The following LHFPL4 variants were observed in gnomAD, a reference collection of about 807,000 sequenced individuals.
LHFPL4 encodes the protein LHFPL tetraspan subfamily member 4.
In LHFPL4, 6 loss-of-function variants were observed where a neutral mutation model predicts 20.0. The ratio of observed to expected loss-of-function variants is 0.30; its 90% confidence interval spans 0.16 to 0.59. The LOEUF is 0.59. LHFPL4 is among the 20% of genes least tolerant of loss of function. The probability of loss-of-function intolerance (pLI) is 0.88; values close to 1 mark genes in which losing one functional copy is unlikely to be tolerated. For synonymous variants in LHFPL4, 129 were observed against 143.8 expected, an observed-to-expected ratio of 0.90 and a Z score of 0.74; for missense variants, 215 against 331.2, an observed-to-expected ratio of 0.65 and a Z score of 2.72.
intron 2 of LHFPL4, among the ~76,000 whole-genome samples, chr3:9,518,260 A>G (rs1258097640): frequency 1.3e-5 from 2 of 152,176 alleles, no homozygotes; most frequent in South Asian, 2.1e-4. Flanking sequence ...ATAAATCCCA[A>G]TTGGTCATGG....
intron 3 of LHFPL4, among the ~76,000 whole-genome samples, chr3:9,504,270 C>T (rs2046200290): frequency 6.6e-6 from 1 of 151,254 alleles, no homozygotes; most frequent in Non-Finnish European, 1.5e-5. Flanking sequence ...TACTCAAGAG[C>T]AAGAGGCTGA....
chr3:9,541,144 A>G (rs2125666121), intron 2 of LHFPL4, among the ~76,000 whole-genome samples: 1 of 151,876 alleles, frequency 6.6e-6, no homozygotes, highest in Non-Finnish European at 1.5e-5. Context: ...GGGTTTCACC[A>G]TGTTGGTTAG....
intron 2 of LHFPL4, among the ~76,000 whole-genome samples, chr3:9,510,003 G>T (rs2046246732): frequency 6.6e-6 from 1 of 152,238 alleles, no homozygotes; most frequent in African/African-American, 2.4e-5. Context: ...CACGGGTGCA[G>T]GATGGCACAA....
At chr3:9,536,929 A>G (rs1449138947) in intron 2 of LHFPL4, among the ~76,000 whole-genome samples, 2 of 151,800 alleles carry the variant, frequency 1.3e-5, no homozygotes, top group African/African-American at 4.8e-5. Flanking sequence ...AAAAAAAAAA[A>G]AAAAAATTCA....
In LHFPL4 at chr3:9,499,777, G is replaced by T. The variant is rs537650230; in HGVS notation, c.*2434C>A. 1 of 152,352 alleles carries T rather than the reference G, an allele frequency of 6.6e-6. No individual in the cohort carries two copies. Among genetic ancestry groups the T allele is most frequent in the East Asian group, 1.9e-4 (1 of 5,156 alleles). 9.4% of individuals were successfully genotyped at this position (152,352 alleles called of 1,614,324 possible). A position where few individuals can be genotyped will look rare whatever the true frequency, so the allele number is the denominator to read the frequency against. On this transcript the variant is annotated 3_prime_UTR_variant, in exon 4 of 4. Coordinates refer to ENST00000287585, the MANE Select transcript of LHFPL4 (RefSeq NM_198560.3). ...CAAGGTGTGGCAAGGACACCTGGTG[G>T]CAGGCGTCCTTGGGGGAACAAGCTC... is the stretch of plus-strand genomic sequence containing the variant.
intron 2 of LHFPL4, among the ~76,000 whole-genome samples, chr3:9,537,088 A>C (rs1218612863): frequency 6.6e-6 from 1 of 152,082 alleles, no homozygotes; most frequent in African/African-American, 2.4e-5. Context: ...CCTGTCTCAA[A>C]AAAAAGAAAG....
chr3:9,506,022 C>T lies in LHFPL4; in HGVS notation c.588G>A (p.Val196=). 3 of 1,614,214 alleles carry T rather than the reference C, an allele frequency of 1.9e-6. No individual in the cohort carries two copies. Among genetic ancestry groups the T allele is most frequent in the Non-Finnish European group, 2.5e-6 (3 of 1,180,044 alleles). ...GCAGGTCTGTTTGCCGGTTGCCCAG[C>T]ACGAAGGCGAGGAAGGAGAGGATGA... ...NALILSFLAF[V]LGNRQTDLLQ... Residue 196 remains valine, a synonymous_variant, in exon 3 of 4, where the codon GTG becomes GTA. Coordinates refer to ENST00000287585, the MANE Select transcript of LHFPL4 (RefSeq NM_198560.3). This position sits in a 1 kb window ranked among gnomAD's most constrained non-coding sequence, Gnocchi z 4.5.
intron 2 of LHFPL4, among the ~76,000 whole-genome samples, chr3:9,537,103 C>G (rs1226752838): frequency 2.0e-5 from 3 of 151,902 alleles, no homozygotes; most frequent in African/African-American, 7.3e-5. Flanking sequence ...AGAAAGAAAC[C>G]AGCTCTCCTA....
intron 2 of LHFPL4, among the ~76,000 whole-genome samples, chr3:9,549,010 T>A (rs918089514): frequency 2.6e-5 from 4 of 152,218 alleles, no homozygotes; most frequent in African/African-American, 9.6e-5. Flanking sequence ...AGATTCTTCA[T>A]GGCGTGATTT....
chr3:9,501,847 C>T lies in LHFPL4; in HGVS notation c.*364G>A, dbSNP rs762015909. On this transcript the variant is annotated 3_prime_UTR_variant, in exon 4 of 4. Transcript: ENST00000287585. ...AGGTGCGGATACAGCCAGGCGGCAG[C>T]CCTCCAGACTGAGGGGGCCTGGGGA... 24 of 226,866 alleles carry T rather than the reference C, an allele frequency of 1.1e-4. No homozygotes were observed. The highest frequency in any genetic ancestry group is 1.7e-4 in the Non-Finnish European group (20 of 116,222). The allele number at this position is 226,866 out of a possible 1,614,324, so 14.1% of individuals were successfully genotyped here.
chr3:9,518,759 A>AT (rs1402617896), intron 2 of LHFPL4, among the ~76,000 whole-genome samples: 2 of 136,252 alleles, frequency 1.5e-5, no homozygotes, highest in African/African-American at 5.7e-5. Flanking sequence ...TTTTTTGTTC[A>AT]TTTCTTTTTT....
chr3:9,543,495 G>A (rs1451900361), intron 2 of LHFPL4, among the ~76,000 whole-genome samples: 4 of 149,668 alleles, frequency 2.7e-5, no homozygotes, highest in African/African-American at 4.9e-5. Context: ...ATGAGATTCT[G>A]TCTCAAAACA....
At chr3:9,507,764 T>C (rs1248754288) in intron 2 of LHFPL4, among the ~76,000 whole-genome samples, 1 of 152,150 alleles carries the variant, frequency 6.6e-6, no homozygotes. Context: ...AAGCCTGAGC[T>C]GATCAGCACA....
intron 2 of LHFPL4, among the ~76,000 whole-genome samples, chr3:9,537,954 C>T (rs2046453567): frequency 6.6e-6 from 1 of 152,138 alleles, no homozygotes. Context: ...ACCTCAAAAT[C>T]AGTGTTTCCC....
At chr3:9,544,291 T>G (rs1003175655) in intron 2 of LHFPL4, among the ~76,000 whole-genome samples, 40 of 139,910 alleles carry the variant, frequency 2.9e-4, no homozygotes, top group Non-Finnish European at 4.2e-4. Flanking sequence ...ACAATAAAAA[T>G]TAAAAAAAAA....
At chr3:9,517,007 C>T (rs1198045110) in intron 2 of LHFPL4, among the ~76,000 whole-genome samples, 1 of 152,016 alleles carries the variant, frequency 6.6e-6, no homozygotes, top group Non-Finnish European at 1.5e-5. Context: ...TCTTGAACTC[C>T]TGACCTCAGG....
chr3:9,541,324 G>T (rs965914217), intron 2 of LHFPL4, among the ~76,000 whole-genome samples: 5 of 152,172 alleles, frequency 3.3e-5, no homozygotes, highest in African/African-American at 1.2e-4. Flanking sequence ...AGTCTAGAAA[G>T]CAATCTATGT....
rs1559514092 is a variant in LHFPL4 at position 9,505,950 on chromosome 3, GCCC to G, written c.643+14_643+16del. On this transcript the variant is annotated intron_variant, in intron 3 of 3. Transcript: ENST00000287585. Reference sequence around the variant, plus strand: ...GCCTGGCTCCCGCCGCTGCCCCCCAGCCCACAGCACACTCGCCTTTGTTCTCCG... The same window carrying G: ...GCCTGGCTCCCGCCGCTGCCCCCCAGACAGCACACTCGCCTTTGTTCTCCG... 6.2e-7 allele frequency: 1 copy of G among 1,610,890 alleles called. No individual in the cohort carries two copies. Among genetic ancestry groups the G allele is most frequent in the Non-Finnish European group, 8.5e-7 (1 of 1,177,256 alleles).
At chr3:9,550,688 A>G (rs2046547703) in intron 2 of LHFPL4, 1 of 152,080 alleles carries the variant, frequency 6.6e-6, no homozygotes, top group Non-Finnish European at 1.5e-5. Flanking sequence ...GAAATACATA[A>G]TATCACCTCC....
Sources: allele counts gnomAD v4.1 joint callset (sites outside exome capture counted in the v4.1 genomes callset), GRCh38; gene constraint gnomAD v4.1.1; non-coding constraint Gnocchi (gnomAD v3.1); transcripts MANE v1.5; gene names NCBI Gene and HGNC (gene_info 2026-07-23, HGNC 2026-07-21).